ERG: variants seen among roughly 807,000 people sequenced by gnomAD.
ERG encodes the protein ETS transcription factor ERG.
Under a neutral mutation model 55.3 loss-of-function variants are expected in ERG, and 9 were observed. The ratio of observed to expected loss-of-function variants is 0.16; its 90% CI spans 0.10 to 0.28. ERG has a LOEUF of 0.28. ERG is among the 10% of genes least tolerant of loss of function. ERG has a pLI of 1.00. For missense variants in ERG, 434 were observed against 631.6 expected (o/e 0.69, Z 3.35); for synonymous variants, 223 against 237.3 (o/e 0.94, Z 0.55).
chr21:38,383,664 G>A lies in ERG; in HGVS notation c.1179C>T (p.His393=), dbSNP rs1987556396. The change falls in exon 10 of 10, where the codon CAC becomes CAT. Residue 393 remains histidine, a synonymous_variant. Coordinates refer to ENST00000288319, the MANE Select transcript of ERG (RefSeq NM_182918.4). This position sits in a 1 kb window ranked among gnomAD's most constrained non-coding sequence, Gnocchi z 5.7. ...GGGGCTGGAGGGCCTGGGCGATCCC[G>A]TGGAAGTCGAACTTGTAGGCGTAGC... is the stretch of plus-strand genomic sequence containing the variant. ...GKRYAYKFDF[H]GIAQALQPHP... The A allele has an allele frequency of 7.4e-6, 12 of 1,614,070 alleles. No homozygotes were observed. The highest frequency in any genetic ancestry group is 9.3e-6 in the Non-Finnish European group (11 of 1,180,044).
intron 2 of ERG, among the ~76,000 whole-genome samples, chr21:38,519,472 A>G (rs916665931): frequency 3.9e-5 from 6 of 152,122 alleles, no homozygotes; most frequent in Non-Finnish European, 1.5e-5. Context: ...CTGCCAACCC[A>G]TGACCAAAGA....
At chr21:38,492,996 T>C (rs867712324) in intron 1 of ERG, among the ~76,000 whole-genome samples, 18 of 152,264 alleles carry the variant, frequency 1.2e-4, no homozygotes, top group Admixed American at 1.2e-3. Flanking sequence ...TTGTTATGGG[T>C]GTAGTGTGGA....
At chr21:38,392,637 C>T (rs1988029573) in intron 6 of ERG, among the ~76,000 whole-genome samples, 193 bp from the exon 7 acceptor site, 1 of 152,160 alleles carries the variant, frequency 6.6e-6, no homozygotes, top group Non-Finnish European at 1.5e-5. Flanking sequence ...GTCTAAAATT[C>T]TCACCCGTTT....
intron 1 of ERG, among the ~76,000 whole-genome samples, chr21:38,484,968 T>C (rs1469436601): frequency 2.0e-5 from 3 of 152,068 alleles, no homozygotes; most frequent in African/African-American, 7.2e-5. Flanking sequence ...TACTATACCA[T>C]ACTTTTCATC....
chr21:38,527,469 G>A (rs1353235191), intron 2 of ERG, among the ~76,000 whole-genome samples: 1 of 152,186 alleles, frequency 6.6e-6, no homozygotes, highest in Admixed American at 6.5e-5. Context: ...GGAATGACGG[G>A]TTAAATAATC....
intron 1 of ERG, among the ~76,000 whole-genome samples, chr21:38,642,817 T>C (rs1157441838): frequency 6.6e-6 from 1 of 152,182 alleles, no homozygotes; most frequent in Non-Finnish European, 1.5e-5. Flanking sequence ...AAACAAGGCA[T>C]TGATTCAAAT....
intron 1 of ERG, among the ~76,000 whole-genome samples, chr21:38,630,602 G>A (rs2060350982): frequency 6.6e-6 from 1 of 152,182 alleles, no homozygotes; most frequent in Non-Finnish European, 1.5e-5. Flanking sequence ...AAGGGAAGCT[G>A]GGCAATGTTG....
intron 1 of ERG, among the ~76,000 whole-genome samples, chr21:38,599,318 A>G (rs1300269819): frequency 7.0e-6 from 1 of 142,004 alleles, no homozygotes; most frequent in East Asian, 1.9e-4. Flanking sequence ...AAGCTAGGGG[A>G]AGGGTACCAT....
intron 1 of ERG, among the ~76,000 whole-genome samples, chr21:38,607,559 G>A (rs1204962701): frequency 3.9e-5 from 6 of 152,068 alleles, no homozygotes; most frequent in Non-Finnish European, 7.4e-5. Context: ...GCATGAACCC[G>A]GGAGGCTGAG....
chr21:38,524,215 C>G (rs2059614619), intron 2 of ERG, among the ~76,000 whole-genome samples: 1 of 152,198 alleles, frequency 6.6e-6, no homozygotes, highest in Non-Finnish European at 1.5e-5. Flanking sequence ...TTGACTTGAG[C>G]TCACATTTAA....
rs185709041 is a variant in ERG at position 38,535,606 on chromosome 21, G to A, written c.-41+40056C>T. On this transcript the variant is annotated intron_variant, in intron 2 of 8. Coordinates refer to the ERG transcript ENST00000398897. ...CCCACAATGTGTTAGGTTATGTGCTGGGCAGCCTGGAAGACCCAAAGACGA... is the reference window on the plus strand; with the variant it reads ...CCCACAATGTGTTAGGTTATGTGCTAGGCAGCCTGGAAGACCCAAAGACGA... Among the ~76,000 whole-genome samples, 45 of 151,990 alleles carry A rather than the reference G, an allele frequency of 3.0e-4. 1 individual carries two copies. The highest frequency in any genetic ancestry group is 2.9e-3 in the Admixed American group (45 of 15,270).
chr21:38,612,767 G>A (rs1277088686), intron 1 of ERG, among the ~76,000 whole-genome samples: 2 of 151,456 alleles, frequency 1.3e-5, no homozygotes, highest in East Asian at 1.9e-4. Context: ...GGGTTCAGGC[G>A]ATTCTCCTGC....
intron 1 of ERG, among the ~76,000 whole-genome samples, chr21:38,608,867 G>A (rs1006457457): frequency 2.0e-5 from 3 of 152,136 alleles, no homozygotes; most frequent in Admixed American, 1.3e-4. Context: ...GTAGAATCAC[G>A]TAAGATCTTC....
chr21:38,404,154 A>T (rs1988650265), intron 3 of ERG, among the ~76,000 whole-genome samples: 1 of 152,198 alleles, frequency 6.6e-6, no homozygotes, highest in Non-Finnish European at 1.5e-5. Context: ...CTAATTACAG[A>T]TCACAACAAC....
intron 1 of ERG, among the ~76,000 whole-genome samples, chr21:38,458,451 C>A (rs1345080398): frequency 6.7e-6 from 1 of 149,578 alleles, no homozygotes; most frequent in Non-Finnish European, 1.5e-5. Flanking sequence ...AAAGAATGCA[C>A]CAAGTAGTGG....
At chr21:38,421,955 C>G (rs753066905) in intron 3 of ERG, among the ~76,000 whole-genome samples, 1 of 152,158 alleles carries the variant, frequency 6.6e-6, no homozygotes, top group Non-Finnish European at 1.5e-5. Flanking sequence ...CTGGTTCAAG[C>G]GATTCTCCTG....
At chr21:38,477,995 G>T (rs1330704880) in intron 1 of ERG, among the ~76,000 whole-genome samples, 1 of 152,194 alleles carries the variant, frequency 6.6e-6, no homozygotes, top group Non-Finnish European at 1.5e-5. Flanking sequence ...CCTAACATTC[G>T]ATCTTATCTC....
At chr21:38,400,317 A>G (rs1219631680) in intron 6 of ERG, 1 of 594,252 alleles carries the variant, frequency 1.7e-6, no homozygotes, top group South Asian at 1.6e-5. Flanking sequence ...GGCATCCAGG[A>G]TGCCTTCTTT....
chr21:38,402,756 C>T lies in ERG; in HGVS notation c.593-119G>A, dbSNP rs754283869. On this transcript the variant is annotated intron_variant, in intron 4 of 9. Coordinates refer to ENST00000288319, the MANE Select transcript of ERG (RefSeq NM_182918.4). ...AGAAAGAAAAAGAAAGAAAGAAAAC[C>T]GTTCCCCCACTCCCACACTAACATC... 93 of 683,032 alleles carry T rather than the reference C, an allele frequency of 1.4e-4. 1 individual carries two copies. The highest frequency in any genetic ancestry group is 8.3e-4 in the Middle Eastern group (2 of 2,400). The allele number at this position is 683,032 out of a possible 1,614,324, so 42.3% of individuals were successfully genotyped here.
Sources: gnomAD v4.1 joint callset for allele counts (sites outside exome capture counted in the v4.1 genomes callset) on GRCh38, gnomAD v4.1.1 for gene constraint, Gnocchi (gnomAD v3.1) non-coding constraint, MANE v1.5 for transcripts, NCBI Gene and HGNC (gene_info 2026-07-23, HGNC 2026-07-21) for gene names.